The following TRIP12 variants were observed in gnomAD, a reference collection of about 807,000 sequenced individuals.
TRIP12 encodes thyroid hormone receptor interactor 12.
A neutral mutation model predicts 244.2 loss-of-function variants in TRIP12; 25 were observed. The observed-to-expected ratio is 0.10, with a 90% CI of 0.07 to 0.14. The LOEUF is 0.14. Ranked by LOEUF, TRIP12 falls within the 10% of genes least tolerant of loss-of-function variation. The pLI, the probability that TRIP12 is intolerant of heterozygous loss-of-function variation, is 1.00. For missense variants in TRIP12, 1,677 were observed against 2,486.4 expected, an observed-to-expected ratio of 0.67 and a Z score of 6.92; for synonymous variants, 905 against 873.1, an observed-to-expected ratio of 1.04 and a Z score of -0.64.
chr2:229,899,054 T>C (rs1178685402), intron 1 of TRIP12, among the ~76,000 whole-genome samples: 1 of 152,154 alleles, frequency 6.6e-6, no homozygotes, highest in Non-Finnish European at 1.5e-5. Context: ...TCCCATTCCT[T>C]ATTGAAGTAA....
At chr2:229,893,047 C>T (rs1177429461) in intron 1 of TRIP12, among the ~76,000 whole-genome samples, 2 of 152,144 alleles carry the variant, frequency 1.3e-5, no homozygotes, top group Non-Finnish European at 2.9e-5. Flanking sequence ...CTTCTCACTA[C>T]CTTTCCCCTG....
At chr2:229,809,787 T>C (rs1254720485) in intron 15 of TRIP12, among the ~76,000 whole-genome samples, 1 of 152,212 alleles carries the variant, frequency 6.6e-6, no homozygotes, top group Non-Finnish European at 1.5e-5. Flanking sequence ...AGTAGCCACC[T>C]CAACATTATT....
At chr2:229,843,635 T>C (rs768209944) in intron 4 of TRIP12, among the ~76,000 whole-genome samples, 1 of 152,062 alleles carries the variant, frequency 6.6e-6, no homozygotes, top group Non-Finnish European at 1.5e-5. Context: ...TCCCAGCAAT[T>C]TGGGAGGCTG....
intron 4 of TRIP12, among the ~76,000 whole-genome samples, chr2:229,845,339 G>A (rs2057355998): frequency 6.6e-6 from 1 of 152,202 alleles, no homozygotes; most frequent in African/African-American, 2.4e-5. Flanking sequence ...TAGAGCAGGT[G>A]TTGACAAACG....
intron 1 of TRIP12, among the ~76,000 whole-genome samples, chr2:229,895,697 A>G (rs1481296580): frequency 6.6e-6 from 1 of 152,094 alleles, no homozygotes; most frequent in Non-Finnish European, 1.5e-5. Context: ...TAAAAATTCC[A>G]GAAGTAGAAG....
chr2:229,906,443 C>G (rs1340276264), intron 1 of TRIP12, among the ~76,000 whole-genome samples: 1 of 151,064 alleles, frequency 6.6e-6, no homozygotes, highest in South Asian at 2.1e-4. Flanking sequence ...GAAATTAGGC[C>G]GGGCTCAGTG....
intron 32 of TRIP12, 131 bp from the exon 33 acceptor site, chr2:229,787,792 GT>G: frequency 1.1e-6 from 1 of 898,178 alleles, no homozygotes; most frequent in Non-Finnish European, 1.6e-6. Flanking sequence ...AGTAAAAATT[GT>G]TTAGGTCAAT....
intron 39 of TRIP12, among the ~76,000 whole-genome samples, chr2:229,771,212 A>C (rs1287093739): frequency 6.6e-6 from 1 of 152,226 alleles, no homozygotes; most frequent in African/African-American, 2.4e-5. Flanking sequence ...CAGTACAGAA[A>C]CATGTAGAAC....
intron 1 of TRIP12, among the ~76,000 whole-genome samples, chr2:229,881,076 C>T (rs1427931081): frequency 6.6e-6 from 1 of 152,148 alleles, no homozygotes; most frequent in Non-Finnish European, 1.5e-5. Context: ...CTCTGCTGGC[C>T]GTGACCTTGG....
chr2:229,885,667 C>T (rs554106673), intron 1 of TRIP12, among the ~76,000 whole-genome samples: 1 of 152,228 alleles, frequency 6.6e-6, no homozygotes, highest in Non-Finnish European at 1.5e-5. Flanking sequence ...CTAAAAACAG[C>T]AAGGACTTCA....
intron 39 of TRIP12, among the ~76,000 whole-genome samples, 187 bp from the exon 40 acceptor site, chr2:229,769,512 T>C (rs2033378253): frequency 6.6e-6 from 1 of 151,950 alleles, no homozygotes; most frequent in South Asian, 2.1e-4. Flanking sequence ...CCATTTCCTT[T>C]TTAGCTGTAC....
At chr2:229,864,077 T>TGTGTGTGC (rs887815926) in intron 2 of TRIP12, among the ~76,000 whole-genome samples, 40 of 140,616 alleles carry the variant, frequency 2.8e-4, no homozygotes, top group Non-Finnish European at 4.8e-4. Flanking sequence ...TGTGTGTGTG[T>TGTGTGTGC]GCACGCGCAC....
At chr2:229,824,962 TAAAA>T (rs1480994702) in intron 8 of TRIP12, among the ~76,000 whole-genome samples, 1 of 152,174 alleles carries the variant, frequency 6.6e-6, no homozygotes, top group Non-Finnish European at 1.5e-5. Flanking sequence ...AAGCAGTCCC[TAAAA>T]ATCAGAAGCA....
chr2:229,787,686 T>C, intron 32 of TRIP12, 25 bp from the exon 33 acceptor site: 1 of 1,553,432 alleles, frequency 6.4e-7, no homozygotes, highest in Non-Finnish European at 8.7e-7. Context: ...AATGTAAGTT[T>C]ATTATCTGGA....
At chr2:229,773,546 C>G (rs2035239271) in intron 38 of TRIP12, 1 of 152,356 alleles carries the variant, frequency 6.6e-6, no homozygotes, top group African/African-American at 2.4e-5. Flanking sequence ...CCACACCCAG[C>G]TAATTTTTGC....
intron 8 of TRIP12, among the ~76,000 whole-genome samples, chr2:229,828,864 T>C (rs1054741268): frequency 1.3e-5 from 2 of 152,192 alleles, no homozygotes; most frequent in Non-Finnish European, 2.9e-5. Flanking sequence ...AACTGTTTAA[T>C]ATTTTATCCT....
chr2:229,799,192 TC>T (rs969479898), intron 22 of TRIP12, 90 bp downstream of exon 22: 1 of 1,530,978 alleles, frequency 6.5e-7, no homozygotes, highest in African/African-American at 1.4e-5. Flanking sequence ...TAGGCATACT[TC>T]AAGAGCTACT....
chr2:229,798,495 T>C (rs1242044408), intron 23 of TRIP12, among the ~76,000 whole-genome samples: 9 of 147,568 alleles, frequency 6.1e-5, no homozygotes, highest in Admixed American at 5.4e-4. Context: ...TCCCCTAAAA[T>C]CCTGAAGTTC....
At chr2:229,771,667 G>C in intron 38 of TRIP12, 35 bp from the exon 39 acceptor site, 1 of 1,512,084 alleles carries the variant, frequency 6.6e-7, no homozygotes, top group Non-Finnish European at 9.2e-7. Context: ...ACTGTGACAA[G>C]ATTTCAAATC....
Sources: gnomAD v4.1 joint callset for allele counts (sites outside exome capture counted in the v4.1 genomes callset) on GRCh38, gnomAD v4.1.1 for gene constraint, MANE v1.5 for transcripts, NCBI Gene and HGNC (gene_info 2026-07-23, HGNC 2026-07-21) for gene names.